FAM20A: variants seen among roughly 807,000 people sequenced by gnomAD.
The protein encoded by FAM20A is pseudokinase FAM20A.
In FAM20A, 42 loss-of-function variants were observed where a neutral mutation model predicts 52.0. That is an observed-to-expected ratio of 0.81 (90% CI 0.63 to 1.04). The LOEUF is 1.04. FAM20A is among the 50% of genes least tolerant of loss of function. FAM20A has a pLI of 0.00. For synonymous variants in FAM20A, 304 were observed against 298.9 expected, an observed-to-expected ratio of 1.02 and a Z score of -0.18; for missense variants, 742 against 712.7, an observed-to-expected ratio of 1.04 and a Z score of -0.47.
At chr17:68,542,654 T>C (rs749011732) in intron 6 of FAM20A, 40 bp downstream of exon 6, 3 of 1,505,576 alleles carry the variant, frequency 2.0e-6, no homozygotes, top group Non-Finnish European at 2.8e-6. Context: ...TGGCTTACGA[T>C]CTACTCAGAC....
intron 4 of FAM20A, among the ~76,000 whole-genome samples, chr17:68,550,792 G>A (rs1374011210): frequency 2.0e-5 from 3 of 152,220 alleles, no homozygotes; most frequent in Non-Finnish European, 4.4e-5. Context: ...TCAGGCATAA[G>A]GATTTTTAAA....
Position 68,540,936 on chromosome 17 carries a change from A to T in FAM20A, c.1132T>A (p.Cys378Ser). Residue 378 changes from cysteine to serine, a missense_variant, in exon 8 of 11, where the codon TGT becomes AGT. Transcript: ENST00000592554. ...KEEWEVNPLY[C>S]DTVKQIYPYN... ...GGGTAGATCTGTTTCACTGTGTCAC[A>T]GTAAAGGGGATTGACCTCCCACCTG... The T allele has an allele frequency of 6.3e-7, 1 of 1,596,110 alleles. No homozygotes were observed. The highest frequency in any genetic ancestry group is 2.1e-4 in the Middle Eastern group (1 of 4,656).
rs16973034 is a variant in FAM20A at position 68,538,004 on chromosome 17, A to C, written c.1362-263T>G. Among the ~76,000 whole-genome samples the C allele has an allele frequency of 4.0e-3, 615 of 152,264 alleles. 3 individuals are homozygous for C. Among genetic ancestry groups the C allele is most frequent in the Non-Finnish European group, 7.2e-3 (492 of 68,018 alleles). On this transcript the variant is annotated intron_variant, in intron 10 of 10. Transcript: ENST00000592554. ...TCTAATAATGGTGATGCTGGGCTATATGCATTTTCTCTGACAACGCTAAGG... is the reference window on the plus strand; with the variant it reads ...TCTAATAATGGTGATGCTGGGCTATCTGCATTTTCTCTGACAACGCTAAGG...
In FAM20A at chr17:68,555,593, C is replaced by A. The variant is rs781125135; in HGVS notation, c.555G>T (p.Leu185=). 2 of 1,613,246 alleles carry A rather than the reference C, an allele frequency of 1.2e-6. No individual in the cohort carries two copies. The highest frequency in any genetic ancestry group is 3.3e-5 in the Admixed American group (2 of 60,022). ...SRSSPVVSKL[L]QDMRHFPTIS... is the part of the protein sequence containing the mutation. Reference sequence around the variant, plus strand: ...TGGTGGGAAAGTGCCTCATGTCTTGCAGAAGTTTGCTGACAACAGGGCTGG... The same window carrying A: ...TGGTGGGAAAGTGCCTCATGTCTTGAAGAAGTTTGCTGACAACAGGGCTGG... The change falls in exon 2 of 11, where the codon CTG becomes CTT. Residue 185 remains leucine (L), a synonymous_variant. Coordinates refer to ENST00000592554, the MANE Select transcript of FAM20A (RefSeq NM_017565.4).
rs112385405 is a variant in FAM20A at position 68,558,409 on chromosome 17, T to G, written c.405-2666A>C. 1,434 of 405,872 alleles carry G rather than the reference T, an allele frequency of 3.5e-3. 21 individuals carry two copies. The highest frequency in any genetic ancestry group is 0.024 in the African/African-American group (1,160 of 48,666). The allele number at this position is 405,872 out of a possible 1,614,324, so 25.1% of individuals were successfully genotyped here. A position where few individuals can be genotyped will look rare whatever the true frequency, so the allele number is the denominator to read the frequency against. ...CCCCAGTGTTGAAGGTGGGGCCTGGTGGGAGGTAATTGTAACATAGGGGTG... is the reference window on the plus strand; with the variant it reads ...CCCCAGTGTTGAAGGTGGGGCCTGGGGGGAGGTAATTGTAACATAGGGGTG... On this transcript the variant is annotated intron_variant, in intron 1 of 10. Transcript: ENST00000592554.
At chr17:68,572,188 C>T (rs921482018) in intron 1 of FAM20A, among the ~76,000 whole-genome samples, 1 of 151,488 alleles carries the variant, frequency 6.6e-6, no homozygotes, top group Non-Finnish European at 1.5e-5. Flanking sequence ...TCCCAAAGTA[C>T]TGGGATTACA....
chr17:68,591,483 C>T (rs1026256359), intron 1 of FAM20A, among the ~76,000 whole-genome samples: 7 of 152,214 alleles, frequency 4.6e-5, no homozygotes, highest in Non-Finnish European at 1.0e-4. Context: ...TCCTTTTCTT[C>T]CTACAGTGAG....
At position 68,542,685 on chromosome 17, in the gene FAM20A, G is replaced by A. The variant is rs1273240938; in HGVS notation, c.928+9C>T. The A allele has an allele frequency of 1.2e-6, 2 of 1,603,924 alleles. No homozygotes were observed. The highest frequency in any genetic ancestry group is 1.7e-4 in the Middle Eastern group (1 of 6,052). ...CAGACCCGGAATATCACTCGGGCCA[G>A]TACTCTACCTGGAGAGACAAAGAAA... On this transcript the variant is annotated intron_variant, in intron 6 of 10. Coordinates refer to ENST00000592554, the MANE Select transcript of FAM20A (RefSeq NM_017565.4).
chr17:68,553,963 T>C (rs1436203131), intron 3 of FAM20A, among the ~76,000 whole-genome samples: 1 of 148,494 alleles, frequency 6.7e-6, no homozygotes, highest in African/African-American at 2.5e-5. Context: ...TATGCATATA[T>C]ACATATATAC....
intron 4 of FAM20A, among the ~76,000 whole-genome samples, chr17:68,546,356 C>T (rs912440302): frequency 2.6e-5 from 4 of 151,954 alleles, no homozygotes; most frequent in African/African-American, 9.7e-5. Flanking sequence ...GGATTGAGAT[C>T]AATCTTCTTT....
chr17:68,600,690 C>G lies in FAM20A; in HGVS notation c.-24G>C. The G allele has an allele frequency of 6.5e-7, 1 of 1,529,470 alleles. No homozygotes were observed. Among genetic ancestry groups the G allele is most frequent in the African/African-American group, 1.4e-5 (1 of 72,396 alleles). 94.7% of individuals were successfully genotyped at this position (1,529,470 alleles called of 1,614,324 possible). A position where few individuals can be genotyped will look rare whatever the true frequency, so the allele number is the denominator to read the frequency against. On this transcript the variant is annotated 5_prime_UTR_variant, in exon 1 of 11. Coordinates refer to ENST00000592554, the MANE Select transcript of FAM20A (RefSeq NM_017565.4). This position sits in a 1 kb window ranked among gnomAD's most constrained non-coding sequence, Gnocchi z 6.2. ...ATGGCGTGCTGGCCAAGGGGGACGC[C>G]GGGGGCAGGCCGGCTGTCTCCGGGG...
At chr17:68,575,789 T>TACACACACACACACACACAC (rs1491430631) in intron 1 of FAM20A, among the ~76,000 whole-genome samples, 5 of 41,366 alleles carry the variant, frequency 1.2e-4, no homozygotes, top group East Asian at 6.9e-4. Context: ...TATTTTATAT[T>TACACACACACACACACACAC]ATACACACAC....
chr17:68,551,703 T>TATC (rs1307222606), intron 4 of FAM20A, among the ~76,000 whole-genome samples, 170 bp downstream of exon 4: 1 of 139,286 alleles, frequency 7.2e-6, no homozygotes, highest in East Asian at 2.0e-4. Context: ...TTATTATTAT[T>TATC]ATTATTATTA....
chr17:68,582,801 T>TTTG (rs2088048239), intron 1 of FAM20A, among the ~76,000 whole-genome samples: 1 of 140,264 alleles, frequency 7.1e-6, no homozygotes, highest in Non-Finnish European at 1.5e-5. Context: ...TTTTTTTTTT[T>TTTG]TTTTTTGAGA....
intron 1 of FAM20A, among the ~76,000 whole-genome samples, chr17:68,572,007 T>TA (rs2087568101): frequency 2.4e-5 from 1 of 41,492 alleles, no homozygotes; most frequent in African/African-American, 9.2e-5. Context: ...TATATATATA[T>TA]ATATATATAT....
intron 8 of FAM20A, chr17:68,540,586 C>T (rs1251872419): frequency 1.8e-6 from 1 of 566,774 alleles, no homozygotes; most frequent in Non-Finnish European, 3.3e-6. Context: ...ATACAGCTTC[C>T]AATCTGACGC....
intron 1 of FAM20A, among the ~76,000 whole-genome samples, chr17:68,578,940 G>A (rs778062980): frequency 2.0e-5 from 3 of 149,364 alleles, no homozygotes; most frequent in East Asian, 2.0e-4. Context: ...GTTTGAACCC[G>A]GGAGGCAGAG....
At chr17:68,542,284 GAAA>G (rs984505598) in intron 6 of FAM20A, 119 bp from the exon 7 acceptor site, 6 of 1,077,780 alleles carry the variant, frequency 5.6e-6, no homozygotes, top group Middle Eastern at 2.0e-4. Context: ...CTCGGGAAGA[GAAA>G]GAAGAAGAAG....
At chr17:68,541,675 T>G (rs1020139922) in intron 7 of FAM20A, 3 of 271,768 alleles carry the variant, frequency 1.1e-5, no homozygotes, top group Admixed American at 9.5e-5. Flanking sequence ...TGTGCTGTGT[T>G]TTCGTGATCT....
Sources: gnomAD v4.1 joint callset for allele counts (sites outside exome capture counted in the v4.1 genomes callset) on GRCh38, gnomAD v4.1.1 for gene constraint, Gnocchi (gnomAD v3.1) non-coding constraint, MANE v1.5 for transcripts, NCBI Gene and HGNC (gene_info 2026-07-23, HGNC 2026-07-21) for gene names.